The following ZNF335 variants were observed in gnomAD, a reference collection of about 807,000 sequenced individuals.
ZNF335 encodes the protein NRC-interacting factor 1.
Under a neutral mutation model 145.6 loss-of-function variants are expected in ZNF335, and 84 were observed. That is an observed-to-expected ratio of 0.58 (90% CI 0.48 to 0.69). The LOEUF (loss-of-function observed/expected upper bound fraction) is 0.69, where lower values mean the gene tolerates loss of function less well. ZNF335 is among the 30% of genes least tolerant of loss of function. The probability of loss-of-function intolerance (pLI) is 0.00; values close to 1 mark genes in which losing one functional copy is unlikely to be tolerated. For synonymous variants in ZNF335, 761 were observed against 717.0 expected, an observed-to-expected ratio of 1.06 and a Z score of -0.98; for missense variants, 1,865 against 1,809.7, an observed-to-expected ratio of 1.03 and a Z score of -0.55.
chr20:45,951,969 G>T (rs2083641349), intron 20 of ZNF335, among the ~76,000 whole-genome samples, 178 bp downstream of exon 20: 1 of 152,228 alleles, frequency 6.6e-6, no homozygotes, highest in Non-Finnish European at 1.5e-5. Context: ...TGTGTGGTTT[G>T]CCTCCCCACC....
intron 10 of ZNF335, 70 bp from the exon 11 acceptor site, chr20:45,960,952 C>T: frequency 6.3e-7 from 1 of 1,593,024 alleles, no homozygotes; most frequent in Non-Finnish European, 8.6e-7. Context: ...TCACACTGAA[C>T]AGACCCAGCC....
intron 9 of ZNF335, among the ~76,000 whole-genome samples, chr20:45,963,270 C>T (rs1036953064): frequency 1.3e-5 from 2 of 152,194 alleles, no homozygotes; most frequent in African/African-American, 4.8e-5. Flanking sequence ...GGCAGCCCTT[C>T]CCAGCCCCTC....
rs143571746 is a variant in ZNF335, at chr20:45,967,388, G to C, written c.955+106C>G. 86 of 1,556,424 alleles carry C rather than the reference G, an allele frequency of 5.5e-5. No homozygotes were observed. The African/African-American group carries it at 8.7e-4, about 16-fold the overall frequency. On this transcript the variant is annotated intron_variant, in intron 6 of 27. Coordinates refer to ENST00000322927, the MANE Select transcript of ZNF335 (RefSeq NM_022095.4). The stretch of plus-strand genomic sequence containing the variant: ...TCTGTCTTATACTGGAGGGACCTGT[G>C]GATGTGTCTGTGCCAATTCCTCTTT...
rs377660353 is a variant in ZNF335, at chr20:45,949,076, C to T, written c.3906G>A (p.Val1302=). The change falls in exon 28 of 28, where the codon GTG becomes GTA. Residue 1302 remains valine (V), a synonymous_variant. Coordinates refer to ENST00000322927, the MANE Select transcript of ZNF335 (RefSeq NM_022095.4). ...GGGCTTGGGCCATGGCAGCATCAGC[C>T]ACTGCTGCCAGGGGAGGGGAAAGTA... ...EAAAHSAVTA[V]ADAAMAQAQG... is the part of the protein sequence containing the mutation. 2.5e-6 allele frequency: 4 copies of T among 1,613,676 alleles called. No homozygotes were observed. The highest frequency in any genetic ancestry group is 3.4e-6 in the Non-Finnish European group (4 of 1,180,032).
chr20:45,960,992 C>T (rs2083833570), intron 10 of ZNF335, 110 bp from the exon 11 acceptor site: 2 of 1,454,854 alleles, frequency 1.4e-6, no homozygotes, highest in Non-Finnish European at 1.9e-6. Context: ...CTGCCAAGGC[C>T]CCTTTCTCTT....
chr20:45,969,229 A>G (rs1422821961), intron 3 of ZNF335, among the ~76,000 whole-genome samples: 1 of 152,220 alleles, frequency 6.6e-6, no homozygotes. Flanking sequence ...ATAACAGTTT[A>G]TATTATTTAT....
At chr20:45,955,349 T>TTAAAAAAAAAA (rs2083709065) in intron 17 of ZNF335, among the ~76,000 whole-genome samples, 1 of 1,702 alleles carries the variant, frequency 5.9e-4, no homozygotes, top group Non-Finnish European at 3.9e-3. Context: ...AGACTCTGTC[T>TTAAAAAAAAAA]CAAAAAAAAA....
chr20:45,965,828 G>A, intron 6 of ZNF335, 54 bp from the exon 7 acceptor site: 1 of 1,549,852 alleles, frequency 6.5e-7, no homozygotes. Context: ...TGCCCTTTCA[G>A]CCCTGACCCC....
At chr20:45,954,084 T>A in intron 17 of ZNF335, 136 bp from the exon 18 acceptor site, 1 of 1,094,792 alleles carries the variant, frequency 9.1e-7, no homozygotes, top group South Asian at 1.6e-5. Flanking sequence ...CTCATTTGAA[T>A]AGCCCAAGTT....
At chr20:45,967,256 G>T in intron 6 of ZNF335, 1 of 586,142 alleles carries the variant, frequency 1.7e-6, no homozygotes, top group Non-Finnish European at 3.0e-6. Flanking sequence ...ACCTTTACTT[G>T]TATTCTATTT....
chr20:45,969,702 T>C lies in ZNF335; in HGVS notation c.202-11A>G, dbSNP rs1424108769. 1.9e-6 allele frequency: 3 copies of C among 1,609,448 alleles called. No individual in the cohort carries two copies. Among genetic ancestry groups the C allele is most frequent in the Non-Finnish European group, 1.7e-6 (2 of 1,178,314 alleles). ...CTCAGATACCTCCTCCTGAGGGGCA[T>C]GAAACAGGGAGGGAAAAAGTTTAGC... On this transcript the variant is annotated splice_polypyrimidine_tract_variant and intron_variant, in intron 2 of 27. Coordinates refer to ENST00000322927, the MANE Select transcript of ZNF335 (RefSeq NM_022095.4).
chr20:45,965,781 G>A lies in ZNF335; in HGVS notation c.956-7C>T. 6.3e-7 allele frequency: 1 copy of A among 1,597,562 alleles called. No homozygotes were observed. The highest frequency in any genetic ancestry group is 1.1e-5 in the South Asian group (1 of 90,182). On this transcript the variant is annotated splice_polypyrimidine_tract_variant and splice_region_variant and intron_variant, in intron 6 of 27. Transcript: ENST00000322927. ...GGATTATAGTCGCTATCCTCTGTGG[G>A]GGACAGTAAAGTTGGTGAACAGTGA...
At chr20:45,963,334 C>G in intron 9 of ZNF335, 139 bp downstream of exon 9, 2 of 1,016,592 alleles carry the variant, frequency 2.0e-6, no homozygotes, top group Non-Finnish European at 2.8e-6. Context: ...CGCCAGTGAG[C>G]CAGACACGCG....
intron 20 of ZNF335, among the ~76,000 whole-genome samples, chr20:45,950,967 A>G (rs1264303288): frequency 1.3e-5 from 2 of 151,522 alleles, no homozygotes; most frequent in African/African-American, 2.4e-5. Context: ...ATCTCGGCTC[A>G]CTGCAACCTC....
intron 17 of ZNF335, among the ~76,000 whole-genome samples, chr20:45,956,298 G>A (rs1253995196): frequency 1.4e-4 from 21 of 151,166 alleles, no homozygotes; most frequent in African/African-American, 3.7e-4. Context: ...GCGCAATCTC[G>A]GCTCACCGTA....
rs776359143 is a variant in ZNF335, at chr20:45,969,763, A to G, written c.202-72T>C. The G allele has an allele frequency of 3.2e-6, 5 of 1,561,390 alleles. No individual in the cohort carries two copies. The East Asian group carries it at 1.1e-4, about 35-fold the overall frequency. On this transcript the variant is annotated intron_variant, in intron 2 of 27. Coordinates refer to ENST00000322927, the MANE Select transcript of ZNF335 (RefSeq NM_022095.4). Reference sequence around the variant, plus strand: ...GGGGCAGGGCAGCCTGCCAGCTCCCACTTGCTAGACAGAGCTCTCAGGCCC... The same window carrying G: ...GGGGCAGGGCAGCCTGCCAGCTCCCGCTTGCTAGACAGAGCTCTCAGGCCC...
At chr20:45,960,170 AG>A in intron 14 of ZNF335, 37 bp downstream of exon 14, 2 of 1,610,418 alleles carry the variant, frequency 1.2e-6, no homozygotes, top group Non-Finnish European at 8.5e-7. Flanking sequence ...CAGGGCACTG[AG>A]GGCTGGTGAG....
chr20:45,969,178 T>C (rs1003739150), intron 3 of ZNF335, among the ~76,000 whole-genome samples: 3 of 152,362 alleles, frequency 2.0e-5, no homozygotes, highest in Non-Finnish European at 2.9e-5. Flanking sequence ...AATGAGCTAC[T>C]GTATGTAAAG....
rs745618179 is a variant in ZNF335, at chr20:45,965,715, G to A, written c.1015C>T (p.Arg339Cys). 1.1e-5 allele frequency: 18 copies of A among 1,605,344 alleles called. No individual in the cohort carries two copies. The highest frequency in any genetic ancestry group is 1.7e-4 in the Middle Eastern group (1 of 5,998). ...GGCCTTGGGGTACTGGGGGTGGGGCGCTGGAGCCGAAGCTGCCGGCCTCGG... is the reference window on the plus strand; with the variant it reads ...GGCCTTGGGGTACTGGGGGTGGGGCACTGGAGCCGAAGCTGCCGGCCTCGG... ...EPRGRQLRLQ[R>C]PTPSTPRPRR... Residue 339 changes from arginine to cysteine, a missense_variant, in exon 7 of 28, where the codon CGC (arginine) becomes TGC (cysteine). Arg to Cys is a radical substitution (Grantham distance 180, BLOSUM62 -3). Transcript: ENST00000322927.
Sources: allele counts gnomAD v4.1 joint callset (sites outside exome capture counted in the v4.1 genomes callset), GRCh38; gene constraint gnomAD v4.1.1; transcripts MANE v1.5; gene names NCBI Gene and HGNC (gene_info 2026-07-23, HGNC 2026-07-21).